The following SCAPER variants were observed in gnomAD, a reference collection of about 807,000 sequenced individuals.
SCAPER encodes the protein S phase cyclin A-associated protein in the endoplasmic reticulum.
A neutral mutation model predicts 182.2 loss-of-function variants in SCAPER; 98 were observed. The ratio of observed to expected loss-of-function variants is 0.54; its 90% CI spans 0.46 to 0.64. The LOEUF is 0.64. Ranked by LOEUF, SCAPER falls within the 30% of genes least tolerant of loss-of-function variation. The probability of loss-of-function intolerance (pLI) is 0.00; values close to 1 mark genes in which losing one functional copy is unlikely to be tolerated. For synonymous variants in SCAPER, 605 were observed against 564.6 expected (o/e 1.07, Z -1.01); for missense variants, 1,432 against 1,690.0 (o/e 0.85, Z 2.68).
intron 25 of SCAPER, among the ~76,000 whole-genome samples, chr15:76,453,179 C>G (rs62028421): frequency 0.068 from 10,329 of 152,212 alleles, 393 homozygotes; most frequent in Middle Eastern, 0.11. Flanking sequence ...TCACATGATG[C>G]CCCATCACCA....
intron 23 of SCAPER, among the ~76,000 whole-genome samples, chr15:76,511,190 A>G (rs1373824604): frequency 6.6e-6 from 1 of 152,214 alleles, no homozygotes; most frequent in African/African-American, 2.4e-5. Context: ...AAATCTCACA[A>G]ATCACCACTT....
chr15:76,357,149 A>T (rs913687816), intron 29 of SCAPER, among the ~76,000 whole-genome samples: 2 of 22,158 alleles, frequency 9.0e-5, no homozygotes, highest in Non-Finnish European at 1.5e-4. Flanking sequence ...TTTTATTGAC[A>T]TCACACACAC....
rs1000863772 is a variant in SCAPER at position 76,367,613 on chromosome 15, C to G, written c.3855+8549G>C. Among the ~76,000 whole-genome samples, 21 of 152,254 alleles carry G rather than the reference C, an allele frequency of 1.4e-4. No homozygotes were observed. In the South Asian group the frequency reaches 3.1e-3, roughly 23 times the overall value. ...AGTTGACGTCCTGGCAACACAGCCA[C>G]TCAGGCAAGCCAGGAGTTCCTTCTG... On this transcript the variant is annotated intron_variant, in intron 29 of 31. Coordinates refer to ENST00000563290, the MANE Select transcript of SCAPER (RefSeq NM_020843.4).
At position 76,471,328 on chromosome 15, in the gene SCAPER, A is replaced by G; in HGVS notation, c.2962T>C (p.Cys988Arg). The change falls in exon 25 of 32, where the codon TGC becomes CGC. Residue 988 changes from cysteine (C) to arginine (R), a missense_variant. This residue lies in a region of SCAPER where 718 missense variants were observed against 799.7 expected (regional missense o/e 0.90). Coordinates refer to ENST00000563290, the MANE Select transcript of SCAPER (RefSeq NM_020843.4). ...TVLRIPPKSL[C>R]NAINVYNLTC... Reference sequence around the variant, plus strand: ...AGGTTGTAAACATTGATTGCATTGCAGAGAGACCTAAAAGAAGGAGAAAAA... The same window carrying G: ...AGGTTGTAAACATTGATTGCATTGCGGAGAGACCTAAAAGAAGGAGAAAAA... 1 of 1,605,460 alleles carries G rather than the reference A, an allele frequency of 6.2e-7. No homozygotes were observed. The highest frequency in any genetic ancestry group is 8.5e-7 in the Non-Finnish European group (1 of 1,176,716).
chr15:76,481,521 T>TA (rs1444289942), intron 24 of SCAPER, among the ~76,000 whole-genome samples: 1 of 152,168 alleles, frequency 6.6e-6, no homozygotes, highest in Admixed American at 6.5e-5. Flanking sequence ...ATTTTTTTGT[T>TA]AAAAAACATT....
intron 25 of SCAPER, among the ~76,000 whole-genome samples, chr15:76,442,797 T>C (rs1421515467): frequency 6.6e-6 from 1 of 152,222 alleles, no homozygotes; most frequent in Non-Finnish European, 1.5e-5. Context: ...TGTTAGGTGA[T>C]ATACCCTAAC....
At chr15:76,356,512 T>G (rs2040973274) in intron 29 of SCAPER, among the ~76,000 whole-genome samples, 1 of 152,194 alleles carries the variant, frequency 6.6e-6, no homozygotes, top group Admixed American at 6.5e-5. Context: ...TCATGGAATA[T>G]GAGAGTCTTG....
chr15:76,746,067 C>A (rs2061777574), intron 15 of SCAPER, among the ~76,000 whole-genome samples: 1 of 152,160 alleles, frequency 6.6e-6, no homozygotes, highest in Non-Finnish European at 1.5e-5. Flanking sequence ...TAATGTAATA[C>A]ACCAGATCAA....
chr15:76,367,936 T>C (rs781651219), intron 29 of SCAPER, among the ~76,000 whole-genome samples: 9 of 152,222 alleles, frequency 5.9e-5, no homozygotes, highest in African/African-American at 1.4e-4. Context: ...CACATTTTTT[T>C]CTTTGGTGCT....
At chr15:76,892,764 G>A (rs918300212) in intron 1 of SCAPER, among the ~76,000 whole-genome samples, 15 of 152,168 alleles carry the variant, frequency 9.9e-5, no homozygotes, top group South Asian at 2.1e-4. Flanking sequence ...ACAGTGTGGC[G>A]ATTCCTCAAG....
At chr15:76,882,564 A>C (rs2073617331) in intron 2 of SCAPER, among the ~76,000 whole-genome samples, 2 of 152,258 alleles carry the variant, frequency 1.3e-5, no homozygotes, top group African/African-American at 4.8e-5. Flanking sequence ...AAATAACCCC[A>C]AATGACAGAT....
intron 22 of SCAPER, among the ~76,000 whole-genome samples, chr15:76,603,520 G>A (rs140995536): frequency 0.018 from 2,250 of 122,082 alleles, 312 homozygotes; most frequent in African/African-American, 0.051. Context: ...ACAGCAGCAT[G>A]ATTTATAATC....
chr15:76,681,004 G>A (rs1296017374), intron 20 of SCAPER, among the ~76,000 whole-genome samples: 1 of 152,158 alleles, frequency 6.6e-6, no homozygotes, highest in Non-Finnish European at 1.5e-5. Context: ...AAAAACTGGT[G>A]AGACAAGAGA....
intron 20 of SCAPER, among the ~76,000 whole-genome samples, chr15:76,695,421 C>T (rs1252117153): frequency 2.0e-5 from 3 of 151,752 alleles, no homozygotes; most frequent in South Asian, 2.1e-4. Context: ...CATGGTAAAA[C>T]GCCATCTCTA....
chr15:76,514,319 C>A (rs2042260662), intron 23 of SCAPER, among the ~76,000 whole-genome samples: 1 of 152,204 alleles, frequency 6.6e-6, no homozygotes, highest in South Asian at 2.1e-4. Context: ...CACTGTGAGA[C>A]TGACAACTGA....
intron 29 of SCAPER, among the ~76,000 whole-genome samples, chr15:76,363,624 T>C (rs1333268325): frequency 6.6e-6 from 1 of 152,238 alleles, no homozygotes; most frequent in Non-Finnish European, 1.5e-5. Context: ...AAATTCTTTA[T>C]GCCTAAGAAT....
At chr15:76,702,735 T>C in intron 19 of SCAPER, 115 bp downstream of exon 19, 3 of 1,215,196 alleles carry the variant, frequency 2.5e-6, no homozygotes, top group Non-Finnish European at 3.4e-6. Flanking sequence ...AGGTGTGAGC[T>C]GCCACATCTC....
rs184692437 is a variant in SCAPER, at chr15:76,657,737, T to A, written c.2645+7916A>T. Among the ~76,000 whole-genome samples, 110 of 152,212 alleles carry A rather than the reference T, an allele frequency of 7.2e-4. 5 individuals are homozygous for A. In the South Asian group the frequency reaches 0.018, roughly 25 times the overall value. On this transcript the variant is annotated intron_variant, in intron 21 of 31. Coordinates refer to ENST00000563290, the MANE Select transcript of SCAPER (RefSeq NM_020843.4). Reference sequence around the variant, plus strand: ...ACCCACTATGATCAAATAGACTTTATCCCTGGGACATAAGGTTGGTCAACA... The same window carrying A: ...ACCCACTATGATCAAATAGACTTTAACCCTGGGACATAAGGTTGGTCAACA...
intron 23 of SCAPER, among the ~76,000 whole-genome samples, chr15:76,517,311 T>A (rs2042504371): frequency 6.6e-6 from 1 of 151,928 alleles, no homozygotes; most frequent in African/African-American, 2.4e-5. Flanking sequence ...ATAGTAGAGA[T>A]TTCCTATATG....
Sources: gnomAD v4.1 joint callset for allele counts (sites outside exome capture counted in the v4.1 genomes callset) on GRCh38, gnomAD v4.1.1 for gene constraint, gnomAD v4.1.1 regional missense constraint, MANE v1.5 for transcripts, NCBI Gene and HGNC (gene_info 2026-07-23, HGNC 2026-07-21) for gene names.